Variants in CHRNA9 observed in about 807,000 individuals in gnomAD.
The protein encoded by CHRNA9 is neuronal acetylcholine receptor subunit alpha-9.
Under a neutral mutation model 36.8 loss-of-function variants are expected in CHRNA9, and 24 were observed. The ratio of observed to expected loss-of-function variants is 0.65; its 90% confidence interval spans 0.47 to 0.92. The LOEUF is 0.92. Ranked by LOEUF, CHRNA9 falls within the 40% of genes least tolerant of loss-of-function variation. The probability of loss-of-function intolerance (pLI) is 0.00; values close to 1 mark genes in which losing one functional copy is unlikely to be tolerated. For missense variants in CHRNA9, 610 were observed against 601.2 expected, an observed-to-expected ratio of 1.01 and a Z score of -0.15; for synonymous variants, 231 against 231.8, an observed-to-expected ratio of 1.00 and a Z score of 0.03.
intron 3 of CHRNA9, among the ~76,000 whole-genome samples, chr4:40,348,398 C>T (rs559509810): frequency 6.6e-6 from 1 of 152,246 alleles, no homozygotes; most frequent in African/African-American, 2.4e-5. Context: ...GGGTGAACAA[C>T]TTTTTTTCTC....
intron 4 of CHRNA9, 62 bp downstream of exon 4, chr4:40,349,476 G>A (rs942646446): frequency 6.8e-7 from 1 of 1,481,366 alleles, no homozygotes; most frequent in African/African-American, 1.4e-5. Flanking sequence ...ATGCCTTTAA[G>A]GTTGTGTGTG....
Position 40,335,822 on chromosome 4 carries a change from A to G in CHRNA9, c.65-5A>G. 1 of 1,611,246 alleles carries G rather than the reference A, an allele frequency of 6.2e-7. No homozygotes were observed. Among genetic ancestry groups the G allele is most frequent in the South Asian group, 1.1e-5 (1 of 90,676 alleles). On this transcript the variant is annotated splice_region_variant and splice_polypyrimidine_tract_variant and intron_variant, in intron 1 of 4. Transcript: ENST00000310169. ...ATGTTAATCCAGATCCCTCTTGTTG[A>G]GTAGCTGCAGAGACGGCAGATGGAA...
intron 3 of CHRNA9, among the ~76,000 whole-genome samples, chr4:40,344,747 G>T (rs1712590164): frequency 6.6e-6 from 1 of 152,120 alleles, no homozygotes; most frequent in Non-Finnish European, 1.5e-5. Flanking sequence ...TTTATGAGAA[G>T]TAAATAAGAA....
At chr4:40,353,833 C>T (rs1178051579) in intron 4 of CHRNA9, 146 bp from the exon 5 acceptor site, 11 of 724,122 alleles carry the variant, frequency 1.5e-5, no homozygotes, top group Admixed American at 2.8e-5. Context: ...GGTTTGTGTA[C>T]ATACACTCTT....
rs547079792 is a variant in CHRNA9 at position 40,354,753 on chromosome 4, C to T, written c.*233C>T. ...AATAGGGAAAGAGCCCTTTTATAGC[C>T]CACCGTAGTGGTGGGTGACTGGCCT... On this transcript the variant is annotated 3_prime_UTR_variant, in exon 5 of 5. Transcript: ENST00000310169. The T allele has an allele frequency of 2.2e-6, 1 of 461,516 alleles. No individual in the cohort carries two copies. Among genetic ancestry groups the T allele is most frequent in the Non-Finnish European group, 3.8e-6 (1 of 259,938 alleles). The allele number at this position is 461,516 out of a possible 1,614,324, so 28.6% of individuals were successfully genotyped here. A position where few individuals can be genotyped will look rare whatever the true frequency, so the allele number is the denominator to read the frequency against.
Position 40,354,993 on chromosome 4 carries a change from T to C in CHRNA9, c.*473T>C, listed in dbSNP as rs1712917969. On this transcript the variant is annotated 3_prime_UTR_variant, in exon 5 of 5. Coordinates refer to ENST00000310169, the MANE Select transcript of CHRNA9 (RefSeq NM_017581.4). ...CAGGCATAGTGCATTTGAAGTCATA[T>C]CTCAAATAGTGGAATAAAAGGTTTT... is the stretch of plus-strand genomic sequence containing the variant. 6.5e-6 allele frequency: 1 copy of C among 154,266 alleles called. No individual in the cohort carries two copies. The highest frequency in any genetic ancestry group is 2.4e-5 in the African/African-American group (1 of 41,462). 9.6% of individuals were successfully genotyped at this position (154,266 alleles called of 1,614,324 possible). A position where few individuals can be genotyped will look rare whatever the true frequency, so the allele number is the denominator to read the frequency against.
chr4:40,349,189 C>T lies in CHRNA9; in HGVS notation c.673C>T (p.Pro225Ser). ...ISYGCCSEPY[P>S]DVTFTLLLKR... ...CTATGGCTGCTGCTCTGAGCCTTAC[C>T]CGGATGTCACATTCACCCTCCTTCT... Residue 225 changes from proline (P) to serine (S), a missense_variant, in exon 4 of 5, where the codon CCG becomes TCG. By Grantham distance (74) the Pro-to-Ser change is moderately conservative (BLOSUM62 -1). Transcript: ENST00000310169. 1 of 1,614,152 alleles carries T rather than the reference C, an allele frequency of 6.2e-7. No homozygotes were observed. Among genetic ancestry groups the T allele is most frequent in the Non-Finnish European group, 8.5e-7 (1 of 1,180,034 alleles).
chr4:40,335,614 A>G (rs534378953), intron 1 of CHRNA9, 83 bp downstream of exon 1: 2 of 1,151,436 alleles, frequency 1.7e-6, no homozygotes, highest in Admixed American at 3.5e-5. Flanking sequence ...CAGGGAAGAC[A>G]AAACAGATGA....
intron 3 of CHRNA9, among the ~76,000 whole-genome samples, chr4:40,338,834 C>CTCTCTG (rs199685382): frequency 0.021 from 3,213 of 149,898 alleles, 115 homozygotes; most frequent in African/African-American, 0.075. Context: ...CGTGCTCGCT[C>CTCTCTG]TCTCTGTCTC....
chr4:40,341,792 G>A (rs1393535727), intron 3 of CHRNA9, among the ~76,000 whole-genome samples: 1 of 152,168 alleles, frequency 6.6e-6, no homozygotes, highest in Non-Finnish European at 1.5e-5. Flanking sequence ...TGTTCAAAAT[G>A]TCAAGAACGT....
At chr4:40,345,064 G>A (rs1039995048) in intron 3 of CHRNA9, among the ~76,000 whole-genome samples, 39 of 152,288 alleles carry the variant, frequency 2.6e-4, no homozygotes, top group African/African-American at 9.4e-4. Flanking sequence ...GGTGGAGTGG[G>A]AGTGAAGGAG....
At chr4:40,335,639 A>G (rs907934116) in intron 1 of CHRNA9, 108 bp downstream of exon 1, 3 of 1,043,770 alleles carry the variant, frequency 2.9e-6, no homozygotes, top group Admixed American at 3.6e-5. Context: ...ACCGCATGGA[A>G]GTGTTCTGTG....
intron 3 of CHRNA9, among the ~76,000 whole-genome samples, chr4:40,339,662 CAA>C (rs756343215): frequency 1.2e-4 from 11 of 94,120 alleles, no homozygotes; most frequent in Non-Finnish European, 1.4e-4. Context: ...GACTCTATCT[CAA>C]AAAAAAAAAA....
chr4:40,354,225 T>C lies in CHRNA9; in HGVS notation c.1145T>C (p.Leu382Pro). ...KVYSKLPESN[L>P]KAARNKDLSR... ...TATAGCAAACTCCCAGAGTCTAACC[T>C]GAAAGCAGCCAGGAACAAAGACCTT... Residue 382 changes from leucine (L) to proline (P), a missense_variant, in exon 5 of 5, where the codon CTG (leucine) becomes CCG (proline). By Grantham distance (98) the Leu-to-Pro change is moderately conservative. Coordinates refer to ENST00000310169, the MANE Select transcript of CHRNA9 (RefSeq NM_017581.4). 2 of 1,614,154 alleles carry C rather than the reference T, an allele frequency of 1.2e-6. No homozygotes were observed. The highest frequency in any genetic ancestry group is 1.7e-6 in the Non-Finnish European group (2 of 1,180,024).
chr4:40,345,463 GA>G (rs1187115347), intron 3 of CHRNA9, among the ~76,000 whole-genome samples: 2 of 152,174 alleles, frequency 1.3e-5, no homozygotes, highest in Admixed American at 6.5e-5. Flanking sequence ...TGTGATCCCA[GA>G]ACTTTGGGAG....
intron 3 of CHRNA9, among the ~76,000 whole-genome samples, chr4:40,341,138 G>A (rs932460886): frequency 6.6e-6 from 1 of 152,116 alleles, no homozygotes; most frequent in Non-Finnish European, 1.5e-5. Flanking sequence ...TGGCAGGAAT[G>A]TTTAGTATTA....
chr4:40,335,621 A>C, intron 1 of CHRNA9, 90 bp downstream of exon 1: 1 of 1,120,792 alleles, frequency 8.9e-7, no homozygotes, highest in Non-Finnish European at 1.4e-6. Flanking sequence ...GACAAAACAG[A>C]TGATTCAACC....
At chr4:40,350,713 C>CACACACAA (rs1712775956) in intron 4 of CHRNA9, among the ~76,000 whole-genome samples, 1 of 151,560 alleles carries the variant, frequency 6.6e-6, no homozygotes, top group African/African-American at 2.4e-5. Context: ...CACACACACA[C>CACACACAA]ACACACACAC....
intron 3 of CHRNA9, 135 bp from the exon 4 acceptor site, chr4:40,348,747 C>T (rs543953103): frequency 1.3e-6 from 1 of 788,696 alleles, no homozygotes; most frequent in African/African-American, 1.7e-5. Context: ...TTCCAGACTT[C>T]CGAGCCACAG....
Sources: gnomAD v4.1 joint callset for allele counts (sites outside exome capture counted in the v4.1 genomes callset) on GRCh38, gnomAD v4.1.1 for gene constraint, MANE v1.5 for transcripts, NCBI Gene and HGNC (gene_info 2026-07-23, HGNC 2026-07-21) for gene names.